DSC3: variants seen among roughly 807,000 people sequenced by gnomAD.
The protein encoded by DSC3 is desmocollin-3.
Under a neutral mutation model 89.5 loss-of-function variants are expected in DSC3, and 97 were observed. The ratio of observed to expected loss-of-function variants is 1.08; its 90% CI spans 0.92 to 1.28. DSC3 has a LOEUF of 1.28. Ranked by LOEUF, DSC3 falls within the 50% of genes most tolerant of loss-of-function variation. DSC3 has a pLI of 0.00. For missense variants in DSC3, 1,199 were observed against 1,085.3 expected (o/e 1.10, Z -1.47); for synonymous variants, 436 against 384.1 (o/e 1.14, Z -1.58).
chr18:31,031,539 C>G (rs765075204), intron 2 of DSC3, among the ~76,000 whole-genome samples: 1 of 152,130 alleles, frequency 6.6e-6, no homozygotes, highest in African/African-American at 2.4e-5. Flanking sequence ...CCTAACAATA[C>G]AATCTGAGTG....
chr18:31,018,636 CA>C (rs760415027), intron 8 of DSC3, 29 bp downstream of exon 8: 2 of 1,607,574 alleles, frequency 1.2e-6, no homozygotes, highest in Non-Finnish European at 8.5e-7. Flanking sequence ...GCAGATAAGA[CA>C]GAGGCAGATT....
Position 31,006,774 on chromosome 18 carries a change from G to A in DSC3, c.1888+133C>T. On this transcript the variant is annotated intron_variant, in intron 12 of 15. Transcript: ENST00000360428. ...AGCCCCCATATAATATTTGTAAAAGGTTAGTTTATCCTTCTAAAATATATT... is the reference window on the plus strand; with the variant it reads ...AGCCCCCATATAATATTTGTAAAAGATTAGTTTATCCTTCTAAAATATATT... 3 of 720,642 alleles carry A rather than the reference G, an allele frequency of 4.2e-6. No homozygotes were observed. The South Asian group carries it at 5.3e-5, about 13-fold the overall frequency. 44.6% of individuals were successfully genotyped at this position (720,642 alleles called of 1,614,324 possible). A position where few individuals can be genotyped will look rare whatever the true frequency, so the allele number is the denominator to read the frequency against.
At chr18:31,021,560 C>G (rs930925015) in intron 7 of DSC3, among the ~76,000 whole-genome samples, 2 of 152,136 alleles carry the variant, frequency 1.3e-5, no homozygotes, top group Admixed American at 1.3e-4. Flanking sequence ...CATATTGACT[C>G]TTCTATATAA....
At chr18:31,020,052 A>C (rs1414885856) in intron 7 of DSC3, among the ~76,000 whole-genome samples, 2 of 152,224 alleles carry the variant, frequency 1.3e-5, no homozygotes, top group Non-Finnish European at 2.9e-5. Context: ...AGGTTGGCAA[A>C]GGGGTAGAAA....
Position 31,001,698 on chromosome 18 carries a change from TA to T in DSC3, c.2154del (p.Lys721AsnfsTer7). On this transcript the variant is annotated frameshift_variant, in exon 14 of 16. Transcript: ENST00000360428. LOFTEE classifies it high-confidence loss of function. ...AAATCTTCAGGAAAACGTTTCCCTTTAGTTGCACCAAAAACTCCACATACTA... is the reference window on the plus strand; with the variant it reads ...AAATCTTCAGGAAAACGTTTCCCTTTGTTGCACCAAAAACTCCACATACTA... ...LTLVCGVFGATKGKRFPEDLA... is the reference protein window; with the variant it reads ...LTLVCGVFGAXKGKRFPEDLA... 6.2e-7 allele frequency: 1 copy of T among 1,609,880 alleles called. No individual in the cohort carries two copies. The highest frequency in any genetic ancestry group is 8.5e-7 in the Non-Finnish European group (1 of 1,178,016).
At chr18:31,036,798 C>CTTTTCTTTTTTTTTTT (rs1555635106) in intron 1 of DSC3, among the ~76,000 whole-genome samples, 8 of 107,422 alleles carry the variant, frequency 7.4e-5, no homozygotes, top group African/African-American at 2.8e-4. Flanking sequence ...TTCTTTCTTC[C>CTTTTCTTTTTTTTTTT]TTTTTTTTTT....
At chr18:31,006,796 T>C (rs1482224541) in intron 12 of DSC3, 111 bp downstream of exon 12, 1 of 859,354 alleles carries the variant, frequency 1.2e-6, no homozygotes, top group East Asian at 2.7e-5. Flanking sequence ...TTCTAAAATA[T>C]ATTAATGAGA....
chr18:31,035,086 A>G (rs1054775474), intron 1 of DSC3, among the ~76,000 whole-genome samples: 41 of 152,218 alleles, frequency 2.7e-4, no homozygotes, highest in Non-Finnish European at 4.1e-4. Flanking sequence ...TTTCAGCACA[A>G]TAAAGTGGCA....
In DSC3 at chr18:30,989,772, A is replaced by G. The variant is rs1488004233; in HGVS notation, c.*4403T>C. On this transcript the variant is annotated 3_prime_UTR_variant, in exon 16 of 16. Transcript: ENST00000360428. ...TGCCCATGAAACCAAGCCTAATTCT[A>G]AATAATATAAGAGCCAAAATAAACT... 6.6e-6 allele frequency among the ~76,000 whole-genome samples: 1 copy of G among 152,196 alleles called. No homozygotes were observed. Among genetic ancestry groups the G allele is most frequent in the Non-Finnish European group, 1.5e-5 (1 of 68,016 alleles).
chr18:31,018,331 C>A, intron 8 of DSC3, 75 bp from the exon 9 acceptor site: 2 of 1,100,018 alleles, frequency 1.8e-6, no homozygotes, highest in Non-Finnish European at 2.6e-6. Flanking sequence ...TCTTCCATTC[C>A]AAAAATACTT....
intron 13 of DSC3, among the ~76,000 whole-genome samples, chr18:31,002,108 A>G (rs566179761): frequency 2.0e-5 from 3 of 152,338 alleles, no homozygotes; most frequent in South Asian, 4.1e-4. Context: ...TAAAAAAAGA[A>G]TTGTGTACAT....
chr18:31,008,167 A>G lies in DSC3; in HGVS notation c.1521-9T>C. ...CATGCAATTTTTTGTACCTGTTAATAAAAAAAAAATAGTCTTTAGCATCAG... is the reference window on the plus strand; with the variant it reads ...CATGCAATTTTTTGTACCTGTTAATGAAAAAAAAATAGTCTTTAGCATCAG... On this transcript the variant is annotated splice_polypyrimidine_tract_variant and intron_variant, in intron 10 of 15. Coordinates refer to ENST00000360428, the MANE Select transcript of DSC3 (RefSeq NM_001941.5). The G allele has an allele frequency of 7.0e-7, 1 of 1,423,400 alleles. No homozygotes were observed. The highest frequency in any genetic ancestry group is 9.6e-7 in the Non-Finnish European group (1 of 1,039,936). 88.2% of individuals were successfully genotyped at this position (1,423,400 alleles called of 1,614,324 possible).
Position 31,008,166 on chromosome 18 carries a change from TA to T in DSC3, c.1521-9del, listed in dbSNP as rs371902933. On this transcript the variant is annotated splice_polypyrimidine_tract_variant and intron_variant, in intron 10 of 15. Transcript: ENST00000360428. ...TCATGCAATTTTTTGTACCTGTTAATAAAAAAAAAATAGTCTTTAGCATCAG... is the reference window on the plus strand; with the variant it reads ...TCATGCAATTTTTTGTACCTGTTAATAAAAAAAAATAGTCTTTAGCATCAG... The T allele has an allele frequency of 4.5e-3, 6,582 of 1,472,000 alleles. 165 individuals are homozygous for T. In the African/African-American group the frequency reaches 0.072, roughly 16 times the overall value. The allele number at this position is 1,472,000 out of a possible 1,614,324, so 91.2% of individuals were successfully genotyped here.
intron 9 of DSC3, among the ~76,000 whole-genome samples, chr18:31,017,396 T>A (rs1985271162): frequency 6.6e-6 from 1 of 152,192 alleles, no homozygotes; most frequent in Non-Finnish European, 1.5e-5. Context: ...GGGCTAGAAG[T>A]ATAAAACCAA....
At chr18:30,997,632 T>A (rs1006308681) in intron 14 of DSC3, among the ~76,000 whole-genome samples, 1 of 152,064 alleles carries the variant, frequency 6.6e-6, no homozygotes, top group African/African-American at 2.4e-5. Context: ...GATATAAAGA[T>A]AGACATAGTC....
chr18:31,024,043 G>T (rs116835872), intron 6 of DSC3, among the ~76,000 whole-genome samples: 152 of 152,114 alleles, frequency 1.0e-3, no homozygotes, highest in African/African-American at 3.5e-3. Flanking sequence ...TTGGAGTTGA[G>T]AATAATGAAA....
intron 9 of DSC3, among the ~76,000 whole-genome samples, chr18:31,016,770 T>C (rs1220139551): frequency 2.0e-5 from 3 of 152,150 alleles, no homozygotes; most frequent in African/African-American, 7.2e-5. Flanking sequence ...ATGTGAGGGG[T>C]AAATACCCCA....
intron 7 of DSC3, among the ~76,000 whole-genome samples, chr18:31,020,454 A>G (rs1598543563): frequency 2.0e-5 from 3 of 152,344 alleles, no homozygotes; most frequent in Admixed American, 2.0e-4. Context: ...ATTTGCAAAA[A>G]ATGAAATTTT....
intron 9 of DSC3, among the ~76,000 whole-genome samples, chr18:31,016,971 T>C (rs577057269): frequency 5.1e-4 from 78 of 152,198 alleles, no homozygotes; most frequent in Non-Finnish European, 1.1e-3. Context: ...CAGGTCTTTG[T>C]CTTGCATTCT....
Sources: gnomAD v4.1 joint callset for allele counts (sites outside exome capture counted in the v4.1 genomes callset) on GRCh38, gnomAD v4.1.1 for gene constraint, MANE v1.5 for transcripts, NCBI Gene and HGNC (gene_info 2026-07-23, HGNC 2026-07-21) for gene names.